MGST2: variants seen among roughly 807,000 people sequenced by gnomAD.
MGST2 encodes glutathione peroxidase MGST2.
MGST2 carries 9 observed loss-of-function variants against 16.6 expected under a neutral mutation model. That is an observed-to-expected ratio of 0.54 (90% CI 0.33 to 0.95). The LOEUF is 0.95. MGST2 is among the 40% of genes least tolerant of loss of function. The probability of loss-of-function intolerance (pLI) is 0.03; values close to 1 mark genes in which losing one functional copy is unlikely to be tolerated. For synonymous variants in MGST2, 79 were observed against 68.0 expected (o/e 1.16, Z -0.79); for missense variants, 159 against 175.1 (o/e 0.91, Z 0.52).
At chr4:139,710,994 G>C (rs1171642093) in intron 5 of MGST2, among the ~76,000 whole-genome samples, 1 of 151,748 alleles carries the variant, frequency 6.6e-6, no homozygotes, top group Admixed American at 6.6e-5. Context: ...GCCAAAATAG[G>C]GGGCTCCTTT....
chr4:139,703,484 A>G lies in MGST2; in HGVS notation c.259A>G (p.Ile87Val), dbSNP rs768007650. The change falls in exon 4 of 5, where the codon ATA (isoleucine) becomes GTA (valine). Residue 87 changes from isoleucine (I) to valine (V), a missense_variant. Ile to Val is a conservative substitution (Grantham distance 29). Coordinates refer to ENST00000265498, the MANE Select transcript of MGST2 (RefSeq NM_002413.5). ...TGCTACTTGTCTGGGTCTGGTGTAC[A>G]TATATGGCCGTCACCTATACTTCTG... ...VFATCLGLVY[I>V]YGRHLYFWGY... 8.7e-6 allele frequency: 14 copies of G among 1,613,750 alleles called. No homozygotes were observed. The highest frequency in any genetic ancestry group is 1.1e-5 in the Non-Finnish European group (13 of 1,179,934).
intron 1 of MGST2, among the ~76,000 whole-genome samples, chr4:139,669,377 G>A (rs1040284799): frequency 6.6e-6 from 1 of 152,220 alleles, no homozygotes; most frequent in African/African-American, 2.4e-5. Flanking sequence ...TGCCATGGTT[G>A]AAGCAGCTTA....
intron 5 of MGST2, among the ~76,000 whole-genome samples, chr4:139,737,988 G>T (rs1157062137): frequency 6.6e-6 from 1 of 152,234 alleles, no homozygotes; most frequent in African/African-American, 2.4e-5. Context: ...ATAACTTGGG[G>T]CCCAATGCGA....
rs555612710 is a variant in MGST2, at chr4:139,730,381, A to C, written c.*49-9831A>C. ...GCAGGTGCTGAATAAGTGCTTGCTG[A>C]ATGAATGAATGAATCACGCCAAGGG... On this transcript the variant is annotated intron_variant, in intron 5 of 5. Transcript: ENST00000616265. 21 of 1,502,158 alleles carry C rather than the reference A, an allele frequency of 1.4e-5. No homozygotes were observed. In the Admixed American group the frequency reaches 2.4e-4, roughly 17 times the overall value. 93.1% of individuals were successfully genotyped at this position (1,502,158 alleles called of 1,614,324 possible).
intron 3 of MGST2, among the ~76,000 whole-genome samples, chr4:139,700,484 C>T (rs1727193346): frequency 6.6e-6 from 1 of 152,114 alleles, no homozygotes; most frequent in Non-Finnish European, 1.5e-5. Flanking sequence ...GTAAGATTTA[C>T]AGGATTTAAA....
At chr4:139,709,632 G>A (rs776428588) in intron 5 of MGST2, among the ~76,000 whole-genome samples, 1 of 152,130 alleles carries the variant, frequency 6.6e-6, no homozygotes, top group Non-Finnish European at 1.5e-5. Context: ...ATAGGTATTC[G>A]TTGTATTATT....
rs2110910735 is a variant in MGST2, at chr4:139,704,214, G to A, written c.*66G>A. The A allele has an allele frequency of 4.4e-6, 7 of 1,575,150 alleles. No homozygotes were observed. Among genetic ancestry groups the A allele is most frequent in the Admixed American group, 1.7e-5 (1 of 59,852 alleles). On this transcript the variant is annotated 3_prime_UTR_variant, in exon 5 of 5. Coordinates refer to ENST00000265498, the MANE Select transcript of MGST2 (RefSeq NM_002413.5). ...CCATGAAGGTAATATGGTATCATTT[G>A]TTAAATAAAAATAAAGTCTTTATTC...
intron 1 of MGST2, among the ~76,000 whole-genome samples, chr4:139,675,083 A>G (rs911520704): frequency 6.6e-6 from 1 of 152,170 alleles, no homozygotes; most frequent in South Asian, 2.1e-4. Flanking sequence ...ACAACTCAAG[A>G]ACTTATGTGA....
At chr4:139,710,394 A>G (rs546096914) in intron 5 of MGST2, among the ~76,000 whole-genome samples, 1 of 152,236 alleles carries the variant, frequency 6.6e-6, no homozygotes, top group Non-Finnish European at 1.5e-5. Context: ...TACATGTAAG[A>G]ACTCATTTGA....
chr4:139,748,497 A>G, the MGST2 span, among the ~76,000 whole-genome samples: 1 of 152,210 alleles, frequency 6.6e-6, no homozygotes, highest in Non-Finnish European at 1.5e-5. Context: ...AGAACAGGAC[A>G]AAATGCATCA....
At chr4:139,706,754 T>G (rs558358682), downstream of MGST2, among the ~76,000 whole-genome samples, 8 of 152,280 alleles carry the variant, frequency 5.3e-5, no homozygotes, top group East Asian at 1.5e-3. Context: ...ATCAAGGCCT[T>G]GTCACTTTAA....
At chr4:139,729,399 C>T (rs981148345) in intron 5 of MGST2, among the ~76,000 whole-genome samples, 1 of 152,016 alleles carries the variant, frequency 6.6e-6, no homozygotes, top group Non-Finnish European at 1.5e-5. Flanking sequence ...ATGGGAGGAT[C>T]GCTTGAGGCC....
chr4:139,678,728 A>AC, intron 2 of MGST2, 86 bp downstream of exon 2: 1 of 1,036,048 alleles, frequency 9.7e-7, no homozygotes, highest in Non-Finnish European at 1.5e-6. Context: ...TATGGAGAAG[A>AC]CCCTAAGTTC....
At chr4:139,697,870 TA>T (rs1727017757) in intron 3 of MGST2, among the ~76,000 whole-genome samples, 1 of 152,132 alleles carries the variant, frequency 6.6e-6, no homozygotes, top group African/African-American at 2.4e-5. Flanking sequence ...ATAATTATTA[TA>T]AAGTTGAACC....
intron 1 of MGST2, among the ~76,000 whole-genome samples, chr4:139,672,637 G>A (rs955670276): frequency 9.4e-5 from 14 of 148,702 alleles, no homozygotes; most frequent in African/African-American, 3.5e-4. Context: ...TGCAACCTCC[G>A]CCTCCTGGGT....
chr4:139,729,770 G>A (rs1579368212), intron 5 of MGST2, among the ~76,000 whole-genome samples: 3 of 152,230 alleles, frequency 2.0e-5, no homozygotes, highest in Admixed American at 6.5e-5. Flanking sequence ...ATTATAGGGC[G>A]AGGGTGGACA....
intron 5 of MGST2, among the ~76,000 whole-genome samples, chr4:139,739,238 T>C (rs1584783): frequency 0.49 from 73,839 of 152,108 alleles, 19,125 homozygotes; most frequent in South Asian, 0.64. Context: ...CTCTGCTGAA[T>C]GTTAAAGAAA....
At chr4:139,680,980 G>T (rs1731212350) in intron 2 of MGST2, among the ~76,000 whole-genome samples, 1 of 151,920 alleles carries the variant, frequency 6.6e-6, no homozygotes, top group South Asian at 2.1e-4. Context: ...CCCAGGTGAG[G>T]CCTTTTCACA....
downstream of MGST2, among the ~76,000 whole-genome samples, chr4:139,741,784 T>C (rs569808100): frequency 6.6e-6 from 1 of 152,346 alleles, no homozygotes; most frequent in African/African-American, 2.4e-5. Flanking sequence ...CGGGCTGCTC[T>C]AAGTCCATTA....
Sources: allele counts gnomAD v4.1 joint callset (sites outside exome capture counted in the v4.1 genomes callset), GRCh38; gene constraint gnomAD v4.1.1; transcripts MANE v1.5; gene names NCBI Gene and HGNC (gene_info 2026-07-23, HGNC 2026-07-21).